Variants in KSR2 observed in about 807,000 individuals in gnomAD.
The protein encoded by KSR2 is kinase suppressor of ras 2.
In KSR2, 25 loss-of-function variants were observed where a neutral mutation model predicts 107.8. The observed-to-expected ratio is 0.23, with a 90% CI of 0.17 to 0.32. The LOEUF is 0.32. KSR2 is among the 10% of genes least tolerant of loss of function. KSR2 has a pLI of 1.00. For synonymous variants in KSR2, 480 were observed against 507.0 expected (o/e 0.95, Z 0.71); for missense variants, 887 against 1,268.9 (o/e 0.70, Z 4.57).
chr12:117,533,305 G>A (rs1239197018), intron 10 of KSR2, among the ~76,000 whole-genome samples: 1 of 152,228 alleles, frequency 6.6e-6, no homozygotes, highest in Non-Finnish European at 1.5e-5. Context: ...TTCAGGACAG[G>A]GAGTAAGTCC....
At chr12:117,793,395 A>T (rs1165850454) in intron 3 of KSR2, among the ~76,000 whole-genome samples, 3 of 148,526 alleles carry the variant, frequency 2.0e-5, no homozygotes, top group Non-Finnish European at 3.0e-5. Context: ...GTGCACCCAT[A>T]CCAACATGCA....
intron 1 of KSR2, among the ~76,000 whole-genome samples, chr12:117,911,825 A>AT (rs1895026574): frequency 6.6e-6 from 1 of 152,226 alleles, no homozygotes; most frequent in Non-Finnish European, 1.5e-5. Flanking sequence ...AGTAACATAT[A>AT]TAAAGAGCAT....
intron 1 of KSR2, among the ~76,000 whole-genome samples, chr12:117,883,236 G>A (rs1238146915): frequency 6.6e-6 from 1 of 152,124 alleles, no homozygotes; most frequent in Non-Finnish European, 1.5e-5. Flanking sequence ...GGCATATCAG[G>A]CCATGCAGAA....
chr12:117,611,702 T>C (rs17585329), intron 5 of KSR2, among the ~76,000 whole-genome samples: 5,785 of 152,222 alleles, frequency 0.038, 249 homozygotes, highest in East Asian at 0.23. Flanking sequence ...ATAACAATCA[T>C]TTCTGGAACT....
At chr12:117,480,163 A>G (rs1872077216) in intron 16 of KSR2, among the ~76,000 whole-genome samples, 1 of 132,680 alleles carries the variant, frequency 7.5e-6, no homozygotes, top group African/African-American at 2.8e-5. Context: ...TCCTGCAATG[A>G]CTGGGCCACT....
chr12:117,550,893 G>C (rs1212853453), intron 9 of KSR2, among the ~76,000 whole-genome samples: 1 of 152,168 alleles, frequency 6.6e-6, no homozygotes, highest in African/African-American at 2.4e-5. Flanking sequence ...TCCACGTCTA[G>C]TTTCATGAGG....
intron 4 of KSR2, among the ~76,000 whole-genome samples, chr12:117,751,809 C>T (rs1427263902): frequency 6.6e-6 from 1 of 152,202 alleles, no homozygotes; most frequent in African/African-American, 2.4e-5. Flanking sequence ...ATGCTGCCTG[C>T]ATCCTCTTAA....
chr12:117,762,029 A>T (rs1454734344), intron 3 of KSR2, among the ~76,000 whole-genome samples: 1 of 152,174 alleles, frequency 6.6e-6, no homozygotes, highest in Non-Finnish European at 1.5e-5. Context: ...CTCCTCCAAA[A>T]AGACAATAAA....
At chr12:117,850,300 A>G (rs1024336589) in intron 3 of KSR2, among the ~76,000 whole-genome samples, 1 of 152,202 alleles carries the variant, frequency 6.6e-6, no homozygotes, top group African/African-American at 2.4e-5. Flanking sequence ...TGCAGAGCCC[A>G]GGAAAGGCCT....
intron 3 of KSR2, among the ~76,000 whole-genome samples, chr12:117,826,705 T>C (rs990663590): frequency 1.2e-5 from 1 of 83,552 alleles, no homozygotes; most frequent in African/African-American, 6.3e-5. Context: ...TATACACACA[T>C]GCACACACAC....
At chr12:117,504,601 A>G (rs1873564787) in intron 14 of KSR2, among the ~76,000 whole-genome samples, 1 of 152,206 alleles carries the variant, frequency 6.6e-6, no homozygotes, top group Non-Finnish European at 1.5e-5. Context: ...GCAAATGCCC[A>G]GCTACCTGGA....
At chr12:117,573,973 G>A (rs1336240003) in intron 7 of KSR2, among the ~76,000 whole-genome samples, 1 of 152,160 alleles carries the variant, frequency 6.6e-6, no homozygotes, top group Non-Finnish European at 1.5e-5. Context: ...CATCAGCAAA[G>A]ACTTACACAA....
intron 1 of KSR2, among the ~76,000 whole-genome samples, chr12:117,901,081 G>A (rs115634086): frequency 1.4e-4 from 22 of 152,158 alleles, no homozygotes; most frequent in African/African-American, 4.1e-4. Context: ...TGTGACAAAC[G>A]CTCATGAATG....
In KSR2 at chr12:117,907,170, A is replaced by G. The variant is rs1894879362; in HGVS notation, c.181-46739T>C. 6.6e-6 allele frequency among the ~76,000 whole-genome samples: 1 copy of G among 152,174 alleles called. No homozygotes were observed. Among genetic ancestry groups the G allele is most frequent in the African/African-American group, 2.4e-5 (1 of 41,434 alleles). ...GGGAAGCTGAAGCTCACGGAGATTA[A>G]ATTACTTGCTTACATGAGCACCGTA... On this transcript the variant is annotated intron_variant, in intron 1 of 19. Transcript: ENST00000339824. The surrounding 1 kb of genome is among the most constrained non-coding windows in gnomAD (Gnocchi z 4.3).
In KSR2 at chr12:117,843,484, C is replaced by T. The variant is rs547050478; in HGVS notation, c.472+11944G>A. Among the ~76,000 whole-genome samples, 10 of 152,334 alleles carry T rather than the reference C, an allele frequency of 6.6e-5. No individual in the cohort carries two copies. In the South Asian group the frequency reaches 2.1e-3, roughly 32 times the overall value. ...TACACTGGCACCCATGCTTCCATGG[C>T]ACCCGTGTTTCCAGAATCCCCTTCT... is the stretch of plus-strand genomic sequence containing the variant. On this transcript the variant is annotated intron_variant, in intron 3 of 19. Coordinates refer to ENST00000339824, the MANE Select transcript of KSR2 (RefSeq NM_173598.6).
At chr12:117,715,320 C>T (rs1193154902) in intron 4 of KSR2, among the ~76,000 whole-genome samples, 4 of 152,116 alleles carry the variant, frequency 2.6e-5, no homozygotes, top group African/African-American at 9.7e-5. Context: ...CATTCTAGCT[C>T]GCAGCCCCCA....
intron 4 of KSR2, among the ~76,000 whole-genome samples, chr12:117,725,983 A>C (rs1013457197): frequency 3.3e-5 from 5 of 152,058 alleles, no homozygotes; most frequent in African/African-American, 1.2e-4. Flanking sequence ...CCTGCCCAAC[A>C]TGGTGAAGTC....
At chr12:117,574,522 G>C (rs1291978895) in intron 7 of KSR2, among the ~76,000 whole-genome samples, 1 of 152,120 alleles carries the variant, frequency 6.6e-6, no homozygotes, top group African/African-American at 2.4e-5. Flanking sequence ...CAAGCGAAAG[G>C]GGTTTCCCCT....
intron 3 of KSR2, among the ~76,000 whole-genome samples, chr12:117,784,490 C>T (rs530233858): frequency 4.6e-5 from 7 of 152,290 alleles, no homozygotes; most frequent in Non-Finnish European, 7.4e-5. Flanking sequence ...ATTAGCAGCA[C>T]GAGAACAGGC....
Sources: allele counts gnomAD v4.1 joint callset (sites outside exome capture counted in the v4.1 genomes callset), GRCh38; gene constraint gnomAD v4.1.1; non-coding constraint Gnocchi (gnomAD v3.1); transcripts MANE v1.5; gene names NCBI Gene and HGNC (gene_info 2026-07-23, HGNC 2026-07-21).